Variants in DGKZ observed in about 807,000 individuals in gnomAD.
The protein encoded by DGKZ is DAG kinase zeta.
Under a neutral mutation model 142.5 loss-of-function variants are expected in DGKZ, and 45 were observed. The observed-to-expected ratio is 0.32, with a 90% CI of 0.25 to 0.40. The LOEUF (loss-of-function observed/expected upper bound fraction) is 0.40, where lower values mean the gene tolerates loss of function less well. Among genes scored for constraint, DGKZ ranks in the 10% least tolerant of loss-of-function variants. The probability of loss-of-function intolerance (pLI) is 1.00; values close to 1 mark genes in which losing one functional copy is unlikely to be tolerated. For synonymous variants in DGKZ, 442 were observed against 527.0 expected, an observed-to-expected ratio of 0.84 and a Z score of 2.21; for missense variants, 755 against 1,306.5, an observed-to-expected ratio of 0.58 and a Z score of 6.51.
chr11:46,342,562 G>T (rs934184354), upstream of DGKZ, among the ~76,000 whole-genome samples: 1 of 152,244 alleles, frequency 6.6e-6, no homozygotes, highest in African/African-American at 2.4e-5. Flanking sequence ...ACCTTGGTCT[G>T]GTGGACACAG....
Position 46,356,149 on chromosome 11 carries a change from C to T in DGKZ, c.161+8329C>T, listed in dbSNP as rs557969271. Among the ~76,000 whole-genome samples, 127 of 152,274 alleles carry T rather than the reference C, an allele frequency of 8.3e-4. 1 individual carries two copies. Among genetic ancestry groups the T allele is most frequent in the African/African-American group, 3.0e-3 (125 of 41,546 alleles). ...GGAGAAGACAAGGATGGGACGGTCA[C>T]CAGAGAAGAGTGGGGGCCCGCGAGG... On this transcript the variant is annotated intron_variant, in intron 1 of 30. Coordinates refer to ENST00000527911, the Ensembl canonical transcript of DGKZ.
rs533857083 is a variant in DGKZ at position 46,374,054 on chromosome 11, G to A, written c.1327-103G>A. On this transcript the variant is annotated intron_variant, in intron 14 of 30. Coordinates refer to ENST00000527911, the Ensembl canonical transcript of DGKZ. The stretch of plus-strand genomic sequence containing the variant: ...TAGCGGACGCTGCTGACCAGGAAAA[G>A]CCTGTGAACAGATGGGCTGAGCTGG... The A allele has an allele frequency of 5.4e-6, 7 of 1,289,852 alleles. No homozygotes were observed. In the South Asian group the frequency reaches 7.4e-5, roughly 14 times the overall value. The allele number at this position is 1,289,852 out of a possible 1,614,324, so 79.9% of individuals were successfully genotyped here.
intron 1 of DGKZ, among the ~76,000 whole-genome samples, chr11:46,341,175 C>G (rs1940259595): frequency 6.6e-6 from 1 of 152,156 alleles, no homozygotes; most frequent in African/African-American, 2.4e-5. Flanking sequence ...ACCATGGCCA[C>G]TTAGGCAAAC....
At position 46,374,804 on chromosome 11, in the gene DGKZ, G is replaced by A. The variant is rs754409799; in HGVS notation, c.1563G>A (p.Leu521=). 5 of 1,606,354 alleles carry A rather than the reference G, an allele frequency of 3.1e-6. No individual in the cohort carries two copies. In the East Asian group the frequency reaches 8.9e-5, roughly 29 times the overall value. The change falls in exon 18 of 31, where the codon CTG becomes CTA. Residue 521 remains leucine (L), a synonymous_variant. Coordinates refer to ENST00000527911, the Ensembl canonical transcript of DGKZ. The stretch of plus-strand genomic sequence containing the variant: ...ACTTGACTCCCAAGATCCAGGACCT[G>A]AAACCCCAGTGTGTTGTTTTCCTGA...
rs568967846 is a variant in DGKZ at position 46,360,192 on chromosome 11, G to A, written c.162-7099G>A. On this transcript the variant is annotated intron_variant, in intron 1 of 30. Coordinates refer to ENST00000527911, the Ensembl canonical transcript of DGKZ. ...AAGAGATTTGCAAAAAATGTAAAAT[G>A]ATGCCACTCTTTTTGCTAACTTTTT... Among the ~76,000 whole-genome samples the A allele has an allele frequency of 1.0e-3, 158 of 152,236 alleles. 1 individual carries two copies. Among genetic ancestry groups the A allele is most frequent in the African/African-American group, 3.8e-3 (157 of 41,530 alleles).
rs1396142655 is a variant in DGKZ, at chr11:46,347,545, A to G, written c.-115A>G. On this transcript the variant is annotated 5_prime_UTR_variant, in exon 1 of 31. Coordinates refer to ENST00000527911, the Ensembl canonical transcript of DGKZ. The surrounding 1 kb of genome is among the most constrained non-coding windows in gnomAD (Gnocchi z 6.4). Reference sequence around the variant, plus strand: ...GGGGCGCGCGGCGCGGGGCGGGCGGAGCGAGCGCGCGCCATGGAGGTGGCG... The same window carrying G: ...GGGGCGCGCGGCGCGGGGCGGGCGGGGCGAGCGCGCGCCATGGAGGTGGCG... The G allele has an allele frequency of 1.0e-6, 1 of 986,994 alleles. No individual in the cohort carries two copies. 61.1% of individuals were successfully genotyped at this position (986,994 alleles called of 1,614,324 possible).
chr11:46,342,777 C>T (rs1940339079), upstream of DGKZ, among the ~76,000 whole-genome samples: 1 of 152,200 alleles, frequency 6.6e-6, no homozygotes, highest in Non-Finnish European at 1.5e-5. Flanking sequence ...AGCTGGGTGA[C>T]CTTAGACAGG....
At chr11:46,341,864 C>T (rs916514348) in intron 1 of DGKZ, among the ~76,000 whole-genome samples, 10 of 152,096 alleles carry the variant, frequency 6.6e-5, no homozygotes, top group African/African-American at 1.9e-4. Flanking sequence ...CAGGCACTAG[C>T]ATGGCATGAG....
At position 46,366,448 on chromosome 11, in the gene DGKZ, G is replaced by C. The variant is rs1943266736; in HGVS notation, c.162-843G>C. ...TCCAGGGCTGCCTCCTGAGTTGCGG[G>C]GTGAGGGCCCAGGGTTCCAGCCGCC... On this transcript the variant is annotated intron_variant, in intron 1 of 30. Coordinates refer to ENST00000527911, the Ensembl canonical transcript of DGKZ. The C allele has an allele frequency of 6.4e-7, 1 of 1,554,236 alleles. No individual in the cohort carries two copies.
intron 4 of DGKZ, 158 bp downstream of exon 4, chr11:46,368,237 G>A (rs768788144): frequency 4.0e-6 from 3 of 757,328 alleles, no homozygotes; most frequent in South Asian, 1.5e-5. Context: ...GCCTGCGTTC[G>A]AATCCTGGCT....
intron 1 of DGKZ, chr11:46,338,732 G>A (rs573127753): frequency 6.6e-6 from 1 of 152,144 alleles, no homozygotes; most frequent in South Asian, 2.1e-4. Flanking sequence ...AGAGACCTGG[G>A]CTCCAATTCC....
upstream of DGKZ, chr11:46,345,530 T>C (rs1410929492): frequency 2.6e-6 from 4 of 1,524,922 alleles, no homozygotes; most frequent in Non-Finnish European, 3.5e-6. The surrounding 1 kb of genome is among the most constrained non-coding windows in gnomAD (Gnocchi z 4.1). Flanking sequence ...GAGGCAGATG[T>C]GGCGCTACCG....
At chr11:46,336,962 G>T (rs1368218900) in intron 1 of DGKZ, among the ~76,000 whole-genome samples, 1 of 152,134 alleles carries the variant, frequency 6.6e-6, no homozygotes, top group Non-Finnish European at 1.5e-5. Context: ...TCGAGGCTGC[G>T]GTGAGCCACA....
intron 27 of DGKZ, 97 bp downstream of exon 27, chr11:46,378,597 G>T: frequency 6.7e-7 from 1 of 1,502,608 alleles, no homozygotes; most frequent in African/African-American, 1.4e-5. Flanking sequence ...CTGCTCAGGT[G>T]CTGTCATCTG....
At chr11:46,356,644 G>A (rs950575758) in intron 1 of DGKZ, among the ~76,000 whole-genome samples, 6 of 152,124 alleles carry the variant, frequency 3.9e-5, no homozygotes, top group Admixed American at 2.0e-4. Context: ...AAAGGGACCC[G>A]CGGTGTTTTG....
At chr11:46,378,106 G>A (rs1044063250) in intron 25 of DGKZ, 92 bp from the exon 26 acceptor site, 26 of 1,499,586 alleles carry the variant, frequency 1.7e-5, no homozygotes, top group Non-Finnish European at 2.3e-5. Flanking sequence ...AATAAACTGT[G>A]GAAAGGATGA....
chr11:46,355,680 G>A (rs1941935318), intron 1 of DGKZ, among the ~76,000 whole-genome samples: 2 of 152,178 alleles, frequency 1.3e-5, no homozygotes, highest in South Asian at 4.1e-4. Flanking sequence ...GAGTGGGGTG[G>A]GGCCCTGGGG....
chr11:46,352,340 G>A (rs1941495548), intron 1 of DGKZ, among the ~76,000 whole-genome samples: 1 of 152,210 alleles, frequency 6.6e-6, no homozygotes, highest in African/African-American at 2.4e-5. Flanking sequence ...GCCGGTGGGC[G>A]AGGAGCTTCT....
At chr11:46,337,531 G>A (rs1186139652) in intron 1 of DGKZ, among the ~76,000 whole-genome samples, 1 of 151,902 alleles carries the variant, frequency 6.6e-6, no homozygotes, top group African/African-American at 2.4e-5. Flanking sequence ...CCTGACCTCA[G>A]GTGATCCATC....
Sources: allele counts gnomAD v4.1 joint callset (sites outside exome capture counted in the v4.1 genomes callset), GRCh38; gene constraint gnomAD v4.1.1; non-coding constraint Gnocchi (gnomAD v3.1); transcripts MANE v1.5; gene names NCBI Gene and HGNC (gene_info 2026-07-23, HGNC 2026-07-21).